TRPM3: variants seen among roughly 807,000 people sequenced by gnomAD.
TRPM3 encodes the protein long transient receptor potential channel 3.
A neutral mutation model predicts 181.2 loss-of-function variants in TRPM3; 77 were observed. The ratio of observed to expected loss-of-function variants is 0.42; its 90% CI spans 0.35 to 0.51. The LOEUF (loss-of-function observed/expected upper bound fraction) is 0.51, where lower values mean the gene tolerates loss of function less well. Ranked by LOEUF, TRPM3 falls within the 20% of genes least tolerant of loss-of-function variation. The probability of loss-of-function intolerance (pLI) is 0.01; values close to 1 mark genes in which losing one functional copy is unlikely to be tolerated. For missense variants in TRPM3, 1,759 were observed against 2,196.7 expected, an observed-to-expected ratio of 0.80 and a Z score of 3.98; for synonymous variants, 745 against 796.4, an observed-to-expected ratio of 0.94 and a Z score of 1.09.
At chr9:70,783,387 T>A (rs1564265659) in intron 7 of TRPM3, among the ~76,000 whole-genome samples, 1 of 152,106 alleles carries the variant, frequency 6.6e-6, no homozygotes, top group Non-Finnish European at 1.5e-5. Flanking sequence ...CTTAGGATGG[T>A]TTATTTTGAT....
chr9:71,071,635 G>T (rs930036568), intron 1 of TRPM3, among the ~76,000 whole-genome samples: 1 of 152,188 alleles, frequency 6.6e-6, no homozygotes, highest in African/African-American at 2.4e-5. Context: ...GTGCATTCTA[G>T]CAATCTTTGT....
chr9:70,537,993 A>C (rs755201912), intron 25 of TRPM3, among the ~76,000 whole-genome samples: 3 of 152,206 alleles, frequency 2.0e-5, no homozygotes, highest in Non-Finnish European at 4.4e-5. Context: ...TATTCATGAT[A>C]ATCTTTTTAG....
intron 9 of TRPM3, among the ~76,000 whole-genome samples, chr9:70,664,432 AG>A (rs1260184358): frequency 6.6e-6 from 1 of 152,190 alleles, no homozygotes; most frequent in African/African-American, 2.4e-5. Context: ...AAGCTTGTAA[AG>A]GCTAAGATAT....
At position 70,529,406 on chromosome 9, in the gene TRPM3, T is replaced by C. The variant is rs1397340333; in HGVS notation, c.*6547A>G. Reference sequence around the variant, plus strand: ...TAATTTCCCCCATTATAAACTAGGGTTAGAACGTTTACAAATGAGAGTCTA... The same window carrying C: ...TAATTTCCCCCATTATAAACTAGGGCTAGAACGTTTACAAATGAGAGTCTA... On this transcript the variant is annotated 3_prime_UTR_variant, in exon 26 of 26. Coordinates refer to ENST00000677713, the MANE Select transcript of TRPM3 (RefSeq NM_001366145.2). 2 of 152,170 alleles carry C rather than the reference T, an allele frequency of 1.3e-5. No homozygotes were observed. Among genetic ancestry groups the C allele is most frequent in the Non-Finnish European group, 2.9e-5 (2 of 68,036 alleles). 9.4% of individuals were successfully genotyped at this position (152,170 alleles called of 1,614,324 possible).
intron 22 of TRPM3, among the ~76,000 whole-genome samples, chr9:70,584,623 A>G (rs369839439): frequency 4.6e-5 from 7 of 152,354 alleles, no homozygotes; most frequent in Admixed American, 2.6e-4. Context: ...ACACCAATTT[A>G]CTATTGCCTG....
intron 5 of TRPM3, among the ~76,000 whole-genome samples, chr9:70,834,159 C>G (rs2094144734): frequency 6.6e-6 from 1 of 152,268 alleles, no homozygotes; most frequent in Admixed American, 6.5e-5. Flanking sequence ...AAACAAGAGA[C>G]CAGCAAACCC....
intron 6 of TRPM3, among the ~76,000 whole-genome samples, chr9:70,822,272 A>G (rs912070612): frequency 6.6e-6 from 1 of 152,182 alleles, no homozygotes; most frequent in Non-Finnish European, 1.5e-5. Context: ...ACTAGTCCTC[A>G]GTCCCTTTCT....
intron 1 of TRPM3, among the ~76,000 whole-genome samples, chr9:71,414,315 TTCA>T (rs3041810): frequency 0.45 from 67,508 of 151,646 alleles, 16,655 homozygotes; most frequent in East Asian, 0.59. Context: ...CAAGAATCAG[TTCA>T]TCATAACAAT....
At chr9:70,679,656 G>T (rs1210303712) in intron 9 of TRPM3, among the ~76,000 whole-genome samples, 3 of 152,038 alleles carry the variant, frequency 2.0e-5, no homozygotes, top group East Asian at 1.9e-4. Context: ...TTACTGAATT[G>T]CTCTATGCCC....
intron 1 of TRPM3, among the ~76,000 whole-genome samples, chr9:71,297,509 G>A (rs1377735178): frequency 6.6e-6 from 1 of 152,152 alleles, no homozygotes; most frequent in African/African-American, 2.4e-5. Context: ...AAGCAAACAC[G>A]TCCTTCTTCA....
intron 8 of TRPM3, among the ~76,000 whole-genome samples, chr9:70,738,935 T>C (rs1257641861): frequency 6.6e-6 from 1 of 151,918 alleles, no homozygotes; most frequent in South Asian, 2.1e-4. Context: ...CAGGAAGATA[T>C]AGAAACTATG....
chr9:70,999,763 C>T (rs562447497), intron 1 of TRPM3, among the ~76,000 whole-genome samples: 9 of 152,264 alleles, frequency 5.9e-5, no homozygotes, highest in South Asian at 2.1e-4. Flanking sequence ...TTCAATGTCA[C>T]GCCAGAAAAA....
At chr9:70,609,105 C>CTTGA (rs1267086228) in intron 19 of TRPM3, among the ~76,000 whole-genome samples, 2 of 152,130 alleles carry the variant, frequency 1.3e-5, no homozygotes, top group Non-Finnish European at 2.9e-5. Flanking sequence ...CACATTTAAT[C>CTTGA]TTGATTAAAT....
chr9:71,395,737 T>C (rs1384472472), intron 1 of TRPM3, among the ~76,000 whole-genome samples: 1 of 152,246 alleles, frequency 6.6e-6, no homozygotes, highest in Non-Finnish European at 1.5e-5. Flanking sequence ...AAGCACTTAC[T>C]AGGTTCACGG....
chr9:70,848,439 G>A (rs902233263), intron 3 of TRPM3, among the ~76,000 whole-genome samples: 1 of 152,152 alleles, frequency 6.6e-6, no homozygotes, highest in Non-Finnish European at 1.5e-5. Flanking sequence ...TATTGGCTGA[G>A]TATTCCTCGG....
chr9:70,631,326 A>G (rs1261292240), intron 12 of TRPM3, among the ~76,000 whole-genome samples: 1 of 151,224 alleles, frequency 6.6e-6, no homozygotes, highest in Non-Finnish European at 1.5e-5. Flanking sequence ...GATTATGCAA[A>G]TGTCCTTTCC....
At chr9:70,858,744 A>T (rs2095448761) in intron 3 of TRPM3, among the ~76,000 whole-genome samples, 1 of 151,770 alleles carries the variant, frequency 6.6e-6, no homozygotes, top group South Asian at 2.1e-4. Context: ...GGACCAATAT[A>T]GTCACACTAT....
At chr9:70,927,357 G>T (rs2096730879) in intron 1 of TRPM3, among the ~76,000 whole-genome samples, 1 of 152,216 alleles carries the variant, frequency 6.6e-6, no homozygotes, top group African/African-American at 2.4e-5. Flanking sequence ...TTATTTGAAT[G>T]GTATTAGTAA....
At chr9:71,136,630 T>G (rs1464569029) in intron 1 of TRPM3, among the ~76,000 whole-genome samples, 1 of 152,140 alleles carries the variant, frequency 6.6e-6, no homozygotes, top group Non-Finnish European at 1.5e-5. Context: ...ACCAGGGAGC[T>G]GCTCCCAGGT....
Sources: allele counts gnomAD v4.1 joint callset (sites outside exome capture counted in the v4.1 genomes callset), GRCh38; gene constraint gnomAD v4.1.1; transcripts MANE v1.5; gene names NCBI Gene and HGNC (gene_info 2026-07-23, HGNC 2026-07-21).